Variants in MAP4 observed in about 807,000 individuals in gnomAD.
MAP4 encodes the protein microtubule associated protein 4, also known as microtubule-associated protein 4.
A neutral mutation model predicts 170.2 loss-of-function variants in MAP4; 76 were observed. The observed-to-expected ratio is 0.45, with a 90% CI of 0.37 to 0.54. MAP4 has a LOEUF of 0.54. Among genes scored for constraint, MAP4 ranks in the 20% least tolerant of loss-of-function variants. MAP4 has a pLI of 0.00. For synonymous variants in MAP4, 909 were observed against 994.5 expected (o/e 0.91, Z 1.62); for missense variants, 2,506 against 2,748.0 (o/e 0.91, Z 1.97).
chr3:47,866,259 C>T (rs937474554), intron 17 of MAP4, among the ~76,000 whole-genome samples: 3 of 151,674 alleles, frequency 2.0e-5, no homozygotes, highest in Non-Finnish European at 4.4e-5. Flanking sequence ...ATTGACTGAC[C>T]CTGGTAGGTG....
intron 3 of MAP4, 42 bp from the exon 4 acceptor site, chr3:47,928,392 G>C (rs1195235303): frequency 6.2e-6 from 10 of 1,603,352 alleles, no homozygotes; most frequent in Non-Finnish European, 7.7e-6. Context: ...AGATATTACA[G>C]TTTTCTCCTC....
intron 10 of MAP4, among the ~76,000 whole-genome samples, chr3:47,881,535 ATTG>A (rs1023902928): frequency 9.3e-5 from 13 of 139,684 alleles, no homozygotes; most frequent in Non-Finnish European, 7.7e-5. Flanking sequence ...ACTTTAAAAA[ATTG>A]TTAACATGAT....
At chr3:47,918,277 C>G (rs1233229968) in intron 6 of MAP4, among the ~76,000 whole-genome samples, 1 of 152,254 alleles carries the variant, frequency 6.6e-6, no homozygotes, top group East Asian at 1.9e-4. Context: ...AGCCACCGTG[C>G]CTAGACCAAT....
At chr3:47,925,675 A>G (rs2100045438) in intron 4 of MAP4, among the ~76,000 whole-genome samples, 2 of 152,210 alleles carry the variant, frequency 1.3e-5, no homozygotes, top group Admixed American at 1.3e-4. Context: ...CAATCTAAGC[A>G]AATTTATAGA....
rs1165798274 is a variant in MAP4, at chr3:47,851,763, A to C, written c.*1171T>G. The stretch of plus-strand genomic sequence containing the variant: ...AAGGGAAGCAGATAGCCTTAGTCTC[A>C]TGCCTTTTATTTTTAAATTTCCAGA... On this transcript the variant is annotated 3_prime_UTR_variant, in exon 21 of 21. Transcript: ENST00000683076. 2 of 152,216 alleles carry C rather than the reference A, an allele frequency of 1.3e-5. No homozygotes were observed. The highest frequency in any genetic ancestry group is 1.3e-4 in the Admixed American group (2 of 15,276). 9.4% of individuals were successfully genotyped at this position (152,216 alleles called of 1,614,324 possible). A position where few individuals can be genotyped will look rare whatever the true frequency, so the allele number is the denominator to read the frequency against.
At position 48,067,650 on chromosome 3, in the gene MAP4, TA is replaced by T. The variant is rs1207983154; in HGVS notation, c.-20+21122del. On this transcript the variant is annotated intron_variant, in intron 1 of 18. Transcript: ENST00000360240. ...GAGAAACCTTTTTTTTTTTTTTTTT[TA>T]AATCCCCAGACAGAGTCTCACTCTG... 1.2e-4 allele frequency among the ~76,000 whole-genome samples: 14 copies of T among 113,278 alleles called. 1 individual carries two copies. In the South Asian group the frequency reaches 3.3e-3, roughly 27 times the overall value. The allele number at this position is 113,278 out of a possible 152,430, so 74.3% of individuals were successfully genotyped here.
intron 1 of MAP4, among the ~76,000 whole-genome samples, chr3:48,062,589 A>G (rs2100136362): frequency 6.6e-6 from 1 of 150,602 alleles, no homozygotes. Flanking sequence ...TTTAAAAAAT[A>G]AAAAAATTTA....
At chr3:47,953,331 T>C (rs540967367) in intron 3 of MAP4, among the ~76,000 whole-genome samples, 8 of 151,926 alleles carry the variant, frequency 5.3e-5, no homozygotes, top group Middle Eastern at 6.8e-3. Context: ...AAGCCTAGAA[T>C]GAGCAACACA....
At position 47,916,958 on chromosome 3, in the gene MAP4, T is replaced by C. The variant is rs200717521; in HGVS notation, c.869A>G (p.Lys290Arg). ...TGATTCCATGGATGGCTGCATGTCC[T>C]TGGCCAGTGTCACATCTAATTTGGT... ...SPTKLDVTLA[K>R]DMQPSMESDM... Residue 290 changes from lysine to arginine, a missense_variant, in exon 7 of 21, where the codon AAG becomes AGG. Around this residue, in one of 3 missense-constraint regions of MAP4, gnomAD observed 2,008 missense variants for 2,206.0 expected, o/e 0.91. Transcript: ENST00000683076. 1.1e-5 allele frequency: 18 copies of C among 1,614,254 alleles called. No individual in the cohort carries two copies. The highest frequency in any genetic ancestry group is 1.5e-5 in the Non-Finnish European group (18 of 1,180,036).
At chr3:48,069,016 T>G (rs1455527762) in intron 1 of MAP4, among the ~76,000 whole-genome samples, 1 of 152,200 alleles carries the variant, frequency 6.6e-6, no homozygotes, top group Non-Finnish European at 1.5e-5. Flanking sequence ...GGTATATAAA[T>G]ATCCGTGGTA....
Position 47,909,207 on chromosome 3 carries a change from T to C in MAP4, c.5214A>G (p.Thr1738=). Residue 1738 remains threonine (T), a synonymous_variant, in exon 9 of 21, where the codon ACA becomes ACG. Coordinates refer to ENST00000683076, the MANE Select transcript of MAP4 (RefSeq NM_001385682.1). The part of the protein sequence containing the change: ...DKILETPQKM[T]EKSESKTPGE... ...CTGGTGTCTTTGATTCAGATTTTTCTGTCATTTTCTGAGGTGTCTCCAAAA... is the reference window on the plus strand; with the variant it reads ...CTGGTGTCTTTGATTCAGATTTTTCCGTCATTTTCTGAGGTGTCTCCAAAA... 3 of 1,614,006 alleles carry C rather than the reference T, an allele frequency of 1.9e-6. No homozygotes were observed. The highest frequency in any genetic ancestry group is 2.5e-6 in the Non-Finnish European group (3 of 1,179,888).
chr3:47,891,389 T>C, intron 10 of MAP4: 1 of 1,536,038 alleles, frequency 6.5e-7, no homozygotes, highest in African/African-American at 1.4e-5. Flanking sequence ...AGGGCTCAAT[T>C]TGTAGCTAGC....
Position 47,884,357 on chromosome 3 carries a change from C to A in MAP4, c.5435-6834G>T, listed in dbSNP as rs1559896099. Among the ~76,000 whole-genome samples the A allele has an allele frequency of 2.6e-5, 4 of 152,016 alleles. No individual in the cohort carries two copies. In the South Asian group the frequency reaches 6.2e-4, roughly 24 times the overall value. On this transcript the variant is annotated intron_variant, in intron 10 of 20. Transcript: ENST00000683076. The stretch of plus-strand genomic sequence containing the variant: ...GGTTCTTTTTATGTAACTTCTATTT[C>A]TTTACTGAGGTTTTTAGTTTTCATT...
intron 1 of MAP4, among the ~76,000 whole-genome samples, chr3:48,082,480 T>G (rs2100147089): frequency 6.6e-6 from 1 of 152,230 alleles, no homozygotes; most frequent in South Asian, 2.1e-4. Context: ...AACAGTCACT[T>G]TACAGTGCAG....
intron 3 of MAP4, among the ~76,000 whole-genome samples, chr3:47,950,595 A>G (rs2154094688): frequency 6.6e-6 from 1 of 152,260 alleles, no homozygotes; most frequent in African/African-American, 2.4e-5. Flanking sequence ...AAAAAAAACC[A>G]AAAACAAATT....
Position 47,910,746 on chromosome 3 carries a change from A to G in MAP4, c.3675T>C (p.Tyr1225=). ...EGKSKKFKNN[Y]STQPARMERK... ...TCTCCATTCTAGCAGGCTGTGTGGA[A>G]TAATTATTTTTAAACTTTTTGCTTT... Residue 1225 remains tyrosine, a synonymous_variant, in exon 9 of 21, where the codon TAT becomes TAC. Transcript: ENST00000683076. 6.5e-7 allele frequency: 1 copy of G among 1,536,070 alleles called. No homozygotes were observed. The highest frequency in any genetic ancestry group is 2.0e-5 in the Admixed American group (1 of 50,994).
In MAP4 at chr3:47,998,662, A is replaced by T. The variant is rs1234777171; in HGVS notation, c.199T>A (p.Cys67Ser). Residue 67 changes from cysteine (C) to serine (S), a missense_variant, in exon 2 of 21, where the codon TGC becomes AGC. Physicochemically the swap from Cys to Ser is moderately radical, Grantham distance 112. Coordinates refer to ENST00000683076, the MANE Select transcript of MAP4 (RefSeq NM_001385682.1). The part of the protein sequence containing the change: ...TGNSESKKKP[C>S]SETSQIEDTP... ...CCTTCAATCTGGCTAGTTTCTGAGC[A>T]CGGTTTCTTCTTTGACTCTGAGTTC... The T allele has an allele frequency of 6.2e-7, 1 of 1,613,968 alleles. No homozygotes were observed. The highest frequency in any genetic ancestry group is 8.5e-7 in the Non-Finnish European group (1 of 1,179,972).
At chr3:48,013,329 T>C (rs949632831) in intron 1 of MAP4, 7 of 152,128 alleles carry the variant, frequency 4.6e-5, no homozygotes, top group African/African-American at 4.8e-5. Flanking sequence ...CACTGACCAA[T>C]TGACCATTTA....
At chr3:47,961,931 C>T (rs1483538669) in intron 3 of MAP4, among the ~76,000 whole-genome samples, 1 of 152,198 alleles carries the variant, frequency 6.6e-6, no homozygotes, top group Middle Eastern at 3.2e-3. Flanking sequence ...TTTCCTGTCG[C>T]ACCCTGCTGA....
Sources: gnomAD v4.1 joint callset for allele counts (sites outside exome capture counted in the v4.1 genomes callset) on GRCh38, gnomAD v4.1.1 for gene constraint, gnomAD v4.1.1 regional missense constraint, MANE v1.5 for transcripts, NCBI Gene and HGNC (gene_info 2026-07-23, HGNC 2026-07-21) for gene names.